Variants in STK32B observed in about 807,000 individuals in gnomAD.
STK32B encodes serine/threonine-protein kinase 32B.
In STK32B, 43 loss-of-function variants were observed where a neutral mutation model predicts 52.6. That is an observed-to-expected ratio of 0.82 (90% CI 0.64 to 1.05). The LOEUF is 1.05. STK32B is among the 50% of genes least tolerant of loss of function. The pLI is 0.00. For missense variants in STK32B, 621 were observed against 534.6 expected (o/e 1.16, Z -1.59); for synonymous variants, 238 against 204.3 (o/e 1.17, Z -1.41).
rs1266438946 is a variant in STK32B at position 5,480,773 on chromosome 4, C to G, written c.1106+12703C>G. Among the ~76,000 whole-genome samples, 9 of 152,170 alleles carry G rather than the reference C, an allele frequency of 5.9e-5. No individual in the cohort carries two copies. In the South Asian group the frequency reaches 1.9e-3, roughly 32 times the overall value. On this transcript the variant is annotated intron_variant, in intron 11 of 11. Transcript: ENST00000282908. ...ACAGGCCCCAGTGTGTAATGTTCCC[C>G]TTCCTGTGTCCATGTGTTCTCATTG...
intron 3 of STK32B, among the ~76,000 whole-genome samples, chr4:5,293,985 C>T (rs1204056970): frequency 1.3e-5 from 2 of 151,998 alleles, no homozygotes; most frequent in African/African-American, 4.8e-5. Flanking sequence ...GGAAGGGGTC[C>T]AGTTTCAGTT....
rs755980719 is a variant in STK32B at position 5,468,087 on chromosome 4, G to C, written c.1106+17G>C. The C allele has an allele frequency of 5.0e-6, 8 of 1,613,436 alleles. No individual in the cohort carries two copies. In the African/African-American group the frequency reaches 9.3e-5, roughly 19 times the overall value. On this transcript the variant is annotated intron_variant, in intron 11 of 11. Transcript: ENST00000282908. Reference sequence around the variant, plus strand: ...CAGAGAGAAGTAAGTCCTTCATACTGTCCCCCTTGGGCAAAGCCTGTCCTA... The same window carrying C: ...CAGAGAGAAGTAAGTCCTTCATACTCTCCCCCTTGGGCAAAGCCTGTCCTA...
intron 7 of STK32B, among the ~76,000 whole-genome samples, chr4:5,451,072 T>C (rs1438294042): frequency 2.0e-5 from 3 of 152,184 alleles, no homozygotes; most frequent in African/African-American, 7.2e-5. Flanking sequence ...TGCAGGGTCA[T>C]GTGAGATTAC....
intron 2 of STK32B, among the ~76,000 whole-genome samples, chr4:5,141,824 C>T (rs182098322): frequency 1.4e-4 from 21 of 152,284 alleles, no homozygotes; most frequent in African/African-American, 4.6e-4. Flanking sequence ...ACCCCCTCCA[C>T]CTTCCTCAGT....
intron 1 of STK32B, among the ~76,000 whole-genome samples, chr4:5,088,503 T>G (rs764406639): frequency 6.6e-6 from 1 of 152,142 alleles, no homozygotes; most frequent in Non-Finnish European, 1.5e-5. Flanking sequence ...AGAGGTTGGA[T>G]ATCCCATTCT....
At chr4:5,416,529 C>A (rs923295937) in intron 5 of STK32B, among the ~76,000 whole-genome samples, 1 of 152,158 alleles carries the variant, frequency 6.6e-6, no homozygotes, top group Non-Finnish European at 1.5e-5. Flanking sequence ...TGAGAGAAGG[C>A]GTCTGGAGTG....
At chr4:5,052,009 G>A (rs1741807709) in intron 1 of STK32B, 94 bp downstream of exon 1, 2 of 1,522,062 alleles carry the variant, frequency 1.3e-6, no homozygotes, top group Middle Eastern at 1.7e-4. Flanking sequence ...CATGCTGCCC[G>A]GCGCGGGGAC....
intron 5 of STK32B, among the ~76,000 whole-genome samples, chr4:5,412,996 AT>A (rs955631046): frequency 2.2e-4 from 33 of 151,610 alleles, no homozygotes; most frequent in African/African-American, 7.8e-4. Context: ...TCTCCCTGGC[AT>A]CTTTGCTGGT....
intron 1 of STK32B, among the ~76,000 whole-genome samples, chr4:5,117,534 T>G (rs985472917): frequency 6.6e-6 from 1 of 152,214 alleles, no homozygotes; most frequent in African/African-American, 2.4e-5. Context: ...GTGTTTCATT[T>G]TATTGGCTTT....
At chr4:5,490,015 C>T (rs1329857980) in intron 11 of STK32B, among the ~76,000 whole-genome samples, 4 of 151,900 alleles carry the variant, frequency 2.6e-5, no homozygotes, top group Non-Finnish European at 5.9e-5. Flanking sequence ...GTAATACAAA[C>T]TCACTGGTTT....
chr4:5,444,450 C>G (rs904221124), intron 6 of STK32B, among the ~76,000 whole-genome samples: 13 of 152,246 alleles, frequency 8.5e-5, no homozygotes, highest in African/African-American at 2.9e-4. Context: ...ATGCCTCGCC[C>G]TGCTTTGGCT....
intron 3 of STK32B, among the ~76,000 whole-genome samples, chr4:5,255,625 C>A (rs146821362): frequency 6.6e-6 from 1 of 152,082 alleles, no homozygotes; most frequent in Admixed American, 6.5e-5. Context: ...ATCTCTAACA[C>A]AAGCCATCTG....
At chr4:5,264,196 G>T (rs1217552411) in intron 3 of STK32B, among the ~76,000 whole-genome samples, 1 of 152,106 alleles carries the variant, frequency 6.6e-6, no homozygotes, top group Non-Finnish European at 1.5e-5. Flanking sequence ...AATTGTTTGG[G>T]TATAGAGTAA....
the STK32B span, among the ~76,000 whole-genome samples, chr4:5,022,582 C>G: frequency 6.6e-6 from 1 of 152,236 alleles, no homozygotes; most frequent in Non-Finnish European, 1.5e-5. Context: ...GCCCACAAAT[C>G]AGGTAAGCCC....
the STK32B span, among the ~76,000 whole-genome samples, chr4:5,030,259 G>C: frequency 2.0e-5 from 3 of 152,210 alleles, no homozygotes; most frequent in Non-Finnish European, 4.4e-5. Context: ...TTTCAAGCTA[G>C]TAACACATGT....
chr4:5,112,483 A>G (rs1352163752), intron 1 of STK32B, among the ~76,000 whole-genome samples: 1 of 152,124 alleles, frequency 6.6e-6, no homozygotes, highest in Non-Finnish European at 1.5e-5. Context: ...GTCCTGGCTC[A>G]AGGCAGTCAG....
intron 4 of STK32B, among the ~76,000 whole-genome samples, chr4:5,371,002 A>ATATATATGTATATATATGTG (rs1735194216): frequency 8.4e-6 from 1 of 118,424 alleles, no homozygotes; most frequent in African/African-American, 4.0e-5. Context: ...GTGTGTATAT[A>ATATATATGTATATATATGTG]TATATATATG....
Position 5,295,124 on chromosome 4 carries a change from C to T in STK32B, c.261-36096C>T, listed in dbSNP as rs898198471. On this transcript the variant is annotated intron_variant, in intron 3 of 11. Transcript: ENST00000282908. ...CAGCCTTGCATCCCAGGGATGAAGC[C>T]AACTTAATTGTGGTGGATAAGCTTT... Among the ~76,000 whole-genome samples, 12 of 152,010 alleles carry T rather than the reference C, an allele frequency of 7.9e-5. No individual in the cohort carries two copies. In the South Asian group the frequency reaches 1.2e-3, roughly 16 times the overall value.
intron 3 of STK32B, among the ~76,000 whole-genome samples, chr4:5,255,948 TTGAA>T (rs1429895196): frequency 2.0e-5 from 3 of 152,116 alleles, no homozygotes; most frequent in African/African-American, 7.2e-5. Context: ...CATAAAGGTG[TTGAA>T]TGGAGTGACA....
Sources: allele counts gnomAD v4.1 joint callset (sites outside exome capture counted in the v4.1 genomes callset), GRCh38; gene constraint gnomAD v4.1.1; transcripts MANE v1.5; gene names NCBI Gene and HGNC (gene_info 2026-07-23, HGNC 2026-07-21).